The following ADPGK variants were observed in gnomAD, a reference collection of about 807,000 sequenced individuals.
ADPGK encodes ADP dependent glucokinase.
A neutral mutation model predicts 42.4 loss-of-function variants in ADPGK; 26 were observed. The ratio of observed to expected loss-of-function variants is 0.61; its 90% CI spans 0.45 to 0.85. The LOEUF (loss-of-function observed/expected upper bound fraction) is 0.85. Ranked by LOEUF, ADPGK falls within the 40% of genes least tolerant of loss-of-function variation. The probability of loss-of-function intolerance (pLI) is 0.00; values close to 1 mark genes in which losing one functional copy is unlikely to be tolerated. For missense variants in ADPGK, 571 were observed against 627.0 expected (o/e 0.91, Z 0.95); for synonymous variants, 267 against 252.6 (o/e 1.06, Z -0.54).
At chr15:72,772,403 C>A (rs28398258) in intron 2 of ADPGK, among the ~76,000 whole-genome samples, 22,691 of 152,034 alleles carry the variant, frequency 0.15, 2,418 homozygotes, top group East Asian at 0.51. Context: ...CATTAGGACA[C>A]CCTCCCTTTC....
intron 3 of ADPGK, among the ~76,000 whole-genome samples, chr15:72,764,388 A>C (rs2066231957): frequency 6.6e-6 from 1 of 152,258 alleles, no homozygotes; most frequent in African/African-American, 2.4e-5. Flanking sequence ...CAGATCAAAC[A>C]AGCTACAACA....
intron 1 of ADPGK, chr15:72,783,231 T>A (rs1329576844): frequency 8.1e-7 from 1 of 1,232,630 alleles, no homozygotes; most frequent in African/African-American, 1.6e-5. Flanking sequence ...AAGAAGCTGT[T>A]AGGGCTGGTC....
intron 3 of ADPGK, among the ~76,000 whole-genome samples, chr15:72,767,040 T>C (rs545160728): frequency 6.6e-6 from 1 of 152,016 alleles, no homozygotes. Context: ...ACGCTGTCTA[T>C]AAAAAATACA....
intron 2 of ADPGK, among the ~76,000 whole-genome samples, chr15:72,772,899 A>T (rs1483889957): frequency 6.6e-6 from 1 of 152,292 alleles, no homozygotes; most frequent in African/African-American, 2.4e-5. Flanking sequence ...AATCTGACAC[A>T]TAACAGCTAA....
chr15:72,783,503 C>A lies in ADPGK; in HGVS notation c.189G>T (p.Ala63=), dbSNP rs2066495737. The A allele has an allele frequency of 1.4e-6, 2 of 1,460,442 alleles. No individual in the cohort carries two copies. Among genetic ancestry groups the A allele is most frequent in the African/African-American group, 1.5e-5 (1 of 67,786 alleles). The allele number at this position is 1,460,442 out of a possible 1,614,324, so 90.5% of individuals were successfully genotyped here. The change falls in exon 1 of 7, where the codon GCG becomes GCT. Residue 63 remains alanine, a synonymous_variant. Coordinates refer to ENST00000456471, the MANE Select transcript of ADPGK (RefSeq NM_001365225.1). ...PEGRLAAAWD[A]LIVRPVRRWR... is the part of the protein sequence containing the mutation. ...AGCGCCGGACTGGCCGCACGATAAG[C>A]GCGTCCCAGGCTGCCGCCAACCGGC...
At chr15:72,774,596 T>C (rs2066367362) in intron 2 of ADPGK, among the ~76,000 whole-genome samples, 1 of 152,140 alleles carries the variant, frequency 6.6e-6, no homozygotes, top group Non-Finnish European at 1.5e-5. Context: ...CCAGGAAACT[T>C]GCTGGAAAGG....
At chr15:72,782,542 A>AC (rs1224804612) in intron 1 of ADPGK, among the ~76,000 whole-genome samples, 1 of 151,030 alleles carries the variant, frequency 6.6e-6, no homozygotes, top group Admixed American at 6.6e-5. Flanking sequence ...AAAAAAAAAA[A>AC]AAAAAACCCC....
chr15:72,755,734 G>C (rs1171018412), intron 5 of ADPGK, 80 bp from the exon 6 acceptor site: 1 of 1,158,978 alleles, frequency 8.6e-7, no homozygotes, highest in East Asian at 2.4e-5. Flanking sequence ...CAGATCCTGA[G>C]AGGCGGTTCC....
intron 3 of ADPGK, among the ~76,000 whole-genome samples, chr15:72,762,911 G>A (rs1368827464): frequency 1.3e-5 from 2 of 152,168 alleles, no homozygotes; most frequent in African/African-American, 4.8e-5. Flanking sequence ...TTGAACCTGG[G>A]AGGTGGAGAG....
In ADPGK at chr15:72,772,642, G is replaced by A. The variant is rs113220977; in HGVS notation, c.460-797C>T. On this transcript the variant is annotated intron_variant, in intron 2 of 6. Transcript: ENST00000456471. ...ATCTGGGTACACAACTAGGTCCTTC[G>A]GGGCAGGGACTGTCTTCTTCTGAAG... Among the ~76,000 whole-genome samples, 73 of 152,204 alleles carry A rather than the reference G, an allele frequency of 4.8e-4. 1 individual carries two copies. The highest frequency in any genetic ancestry group is 1.5e-3 in the African/African-American group (64 of 41,512).
intron 6 of ADPGK, among the ~76,000 whole-genome samples, chr15:72,754,882 C>G (rs1226716119): frequency 6.6e-6 from 1 of 152,046 alleles, no homozygotes; most frequent in East Asian, 1.9e-4. Flanking sequence ...TTTTCTTATA[C>G]TTGTACAAAA....
At chr15:72,766,992 A>G (rs2066268778) in intron 3 of ADPGK, among the ~76,000 whole-genome samples, 1 of 152,192 alleles carries the variant, frequency 6.6e-6, no homozygotes, top group Admixed American at 6.5e-5. Context: ...TAAAAGGCAG[A>G]GATTGTCAAA....
At chr15:72,760,366 C>T (rs567421046) in intron 4 of ADPGK, 41 bp downstream of exon 4, 1 of 1,563,800 alleles carries the variant, frequency 6.4e-7, no homozygotes, top group South Asian at 1.2e-5. Context: ...ATACACAGCC[C>T]CTTGACTGGT....
rs2066380584 is a variant in ADPGK at position 72,775,477 on chromosome 15, C to T, written c.234-380G>A. On this transcript the variant is annotated intron_variant, in intron 1 of 6. Transcript: ENST00000456471. ...GGGCAAGTCACTAATTTCTCTGTGC[C>T]TCGGTTTCCTCATCCACAAAATGGC... Among the ~76,000 whole-genome samples, 4 of 152,176 alleles carry T rather than the reference C, an allele frequency of 2.6e-5. No homozygotes were observed. The South Asian group carries it at 8.3e-4, about 32-fold the overall frequency.
intron 3 of ADPGK, among the ~76,000 whole-genome samples, chr15:72,768,264 T>A (rs569925510): frequency 3.3e-5 from 5 of 151,982 alleles, no homozygotes; most frequent in Middle Eastern, 3.4e-3. Flanking sequence ...AGAAATCAGT[T>A]ATTTAAAATC....
chr15:72,756,115 C>G (rs780436665), intron 5 of ADPGK, 136 bp downstream of exon 5: 2 of 1,070,080 alleles, frequency 1.9e-6, no homozygotes, highest in African/African-American at 3.1e-5. Context: ...CAGCAGGAGG[C>G]AAGCTCCACA....
chr15:72,776,293 AC>A (rs1440688335), intron 1 of ADPGK, among the ~76,000 whole-genome samples: 1 of 152,014 alleles, frequency 6.6e-6, no homozygotes, highest in Non-Finnish European at 1.5e-5. Flanking sequence ...TCCCGCCCCT[AC>A]CCCTATCATG....
At chr15:72,773,956 C>A (rs981246431) in intron 2 of ADPGK, among the ~76,000 whole-genome samples, 3 of 152,186 alleles carry the variant, frequency 2.0e-5, no homozygotes, top group Admixed American at 2.0e-4. Flanking sequence ...GCAGCCTTGA[C>A]CTCCCGGGCT....
At position 72,771,027 on chromosome 15, in the gene ADPGK, T is replaced by G. The variant is rs112869871; in HGVS notation, c.522+756A>C. 9.5e-3 allele frequency among the ~76,000 whole-genome samples: 1,454 copies of G among 152,340 alleles called. 27 individuals carry two copies. The highest frequency in any genetic ancestry group is 0.033 in the African/African-American group (1,370 of 41,566). On this transcript the variant is annotated intron_variant, in intron 3 of 6. Transcript: ENST00000456471. ...TAATCATCTTTGATAAATCTCTTCTTTGTTCCCCATGTATTGTAGTAGGTT... is the reference window on the plus strand; with the variant it reads ...TAATCATCTTTGATAAATCTCTTCTGTGTTCCCCATGTATTGTAGTAGGTT...
Sources: allele counts gnomAD v4.1 joint callset (sites outside exome capture counted in the v4.1 genomes callset), GRCh38; gene constraint gnomAD v4.1.1; transcripts MANE v1.5; gene names NCBI Gene and HGNC (gene_info 2026-07-23, HGNC 2026-07-21).